The following MCF2L variants were observed in gnomAD, a reference collection of about 807,000 sequenced individuals.
MCF2L encodes guanine nucleotide exchange factor DBS.
In MCF2L, 97 loss-of-function variants were observed where a neutral mutation model predicts 153.4. The observed-to-expected ratio is 0.63, with a 90% CI of 0.54 to 0.75. The LOEUF is 0.75. Ranked by LOEUF, MCF2L falls within the 30% of genes least tolerant of loss-of-function variation. MCF2L has a pLI of 0.00. For synonymous variants in MCF2L, 659 were observed against 632.2 expected, an observed-to-expected ratio of 1.04 and a Z score of -0.64; for missense variants, 1,347 against 1,495.2, an observed-to-expected ratio of 0.90 and a Z score of 1.64.
At position 112,993,480 on chromosome 13, in the gene MCF2L, A is replaced by C. The variant is rs1342981267; in HGVS notation, c.80-21283A>C. 6.6e-6 allele frequency among the ~76,000 whole-genome samples: 1 copy of C among 152,090 alleles called. No homozygotes were observed. Among genetic ancestry groups the C allele is most frequent in the Non-Finnish European group, 1.5e-5 (1 of 68,008 alleles). ...TGGCAGTCGGGAGGGACTGCATGGA[A>C]ACAAGTGGCTTAGGACCACCCTAGT... On this transcript the variant is annotated intron_variant, in intron 1 of 29. Coordinates refer to ENST00000535094, the MANE Select transcript of MCF2L (RefSeq NM_001112732.3). This position sits in a 1 kb window ranked among gnomAD's most constrained non-coding sequence, Gnocchi z 4.6.
chr13:113,086,255 G>A lies in MCF2L; in HGVS notation c.2373+6G>A, dbSNP rs1328479031. 6.2e-7 allele frequency: 1 copy of A among 1,607,886 alleles called. No individual in the cohort carries two copies. ...TCGCTATCACCGGCTATGACGTAAG[G>A]CGCCCAGATGCCCGGTCTTCCCCGC... On this transcript the variant is annotated splice_donor_region_variant and intron_variant, in intron 21 of 29. Coordinates refer to ENST00000535094, the MANE Select transcript of MCF2L (RefSeq NM_001112732.3).
At position 112,960,113 on chromosome 13, in the gene MCF2L, G is replaced by C. The variant is rs1009774023; in HGVS notation, c.170-54650G>C. ...GGGGCTGTGTCTTTGTCTGTTTTCT[G>C]CTGCTATAACAGAGTATCACAGATT... is the stretch of plus-strand genomic sequence containing the variant. On this transcript the variant is annotated intron_variant, in intron 2 of 29. Coordinates refer to the MCF2L transcript ENST00000375608. This position sits in a 1 kb window ranked among gnomAD's most constrained non-coding sequence, Gnocchi z 4.2. Among the ~76,000 whole-genome samples the C allele has an allele frequency of 1.3e-5, 2 of 152,240 alleles. No individual in the cohort carries two copies. The highest frequency in any genetic ancestry group is 2.9e-5 in the Non-Finnish European group (2 of 68,046).
intron 1 of MCF2L, among the ~76,000 whole-genome samples, chr13:112,898,157 G>A (rs959987373): frequency 3.3e-5 from 5 of 152,174 alleles, no homozygotes; most frequent in African/African-American, 1.2e-4. Flanking sequence ...GTGTGGCAGC[G>A]GCGGGGACCT....
intron 25 of MCF2L, 33 bp from the exon 26 acceptor site, chr13:113,089,577 C>T: frequency 6.9e-7 from 1 of 1,458,860 alleles, no homozygotes; most frequent in Non-Finnish European, 9.6e-7. Context: ...AGGCAACACA[C>T]TATTTCCTTT....
chr13:113,009,385 C>T (rs1214308028), intron 1 of MCF2L: 2 of 152,254 alleles, frequency 1.3e-5, no homozygotes, highest in African/African-American at 4.8e-5. Context: ...TTATACCTAA[C>T]CCACTAGCAA....
At chr13:113,001,692 G>A (rs2083385135) in intron 1 of MCF2L, 5 of 1,350,162 alleles carry the variant, frequency 3.7e-6, no homozygotes, top group Middle Eastern at 2.7e-4. Context: ...CAGGATAAGT[G>A]AGCCGATGCT....
At chr13:113,095,131 T>G in intron 27 of MCF2L, 1 of 1,314,492 alleles carries the variant, frequency 7.6e-7, no homozygotes, top group Non-Finnish European at 1.0e-6. Context: ...TAAGCATGGA[T>G]TTGCATTTGA....
At position 112,983,760 on chromosome 13, in the gene MCF2L, G is replaced by A. The variant is rs2082527266; in HGVS notation, c.79+14302G>A. ...TGCAGCCTCCTGGGCCTTCCCTTCT[G>A]CCTGGCTTCCTCCTCCTCCACCCGT... On this transcript the variant is annotated intron_variant, in intron 1 of 29. Transcript: ENST00000535094. The surrounding 1 kb of genome is among the most constrained non-coding windows in gnomAD (Gnocchi z 4.0). 6.6e-6 allele frequency among the ~76,000 whole-genome samples: 1 copy of A among 152,150 alleles called. No individual in the cohort carries two copies. The highest frequency in any genetic ancestry group is 2.4e-5 in the African/African-American group (1 of 41,432).
intron 1 of MCF2L, among the ~76,000 whole-genome samples, chr13:112,998,804 G>C (rs1387188187): frequency 6.6e-6 from 1 of 152,204 alleles, no homozygotes; most frequent in African/African-American, 2.4e-5. Context: ...AAACTGGACA[G>C]AAACCAGCCT....
intron 2 of MCF2L, among the ~76,000 whole-genome samples, chr13:112,908,634 A>G (rs1225139934): frequency 6.6e-6 from 1 of 152,216 alleles, no homozygotes; most frequent in Non-Finnish European, 1.5e-5. Context: ...TTCTCCTCTG[A>G]AGAAACTGTG....
intron 1 of MCF2L, chr13:112,902,171 T>C (rs2081125598): frequency 6.3e-7 from 1 of 1,598,672 alleles, no homozygotes; most frequent in Non-Finnish European, 8.6e-7. Flanking sequence ...CATGACCTCA[T>C]CGTGCTTTTA....
chr13:113,002,841 G>C (rs916851331), intron 1 of MCF2L, among the ~76,000 whole-genome samples: 1 of 152,132 alleles, frequency 6.6e-6, no homozygotes. Context: ...AACTATCAAC[G>C]GCAATGAATG....
chr13:113,097,051 C>T lies in MCF2L; in HGVS notation c.*192C>T. On this transcript the variant is annotated 3_prime_UTR_variant, in exon 30 of 30. Transcript: ENST00000535094. ...AGACCCCGGCCCGCTGGGGCTTCCC[C>T]GGAGACTCCAGAGCCCACAGAGGAG... The T allele has an allele frequency of 7.7e-6, 3 of 390,194 alleles. No individual in the cohort carries two copies. The highest frequency in any genetic ancestry group is 1.3e-5 in the Non-Finnish European group (3 of 223,026). 24.2% of individuals were successfully genotyped at this position (390,194 alleles called of 1,614,324 possible).
intron 1 of MCF2L, among the ~76,000 whole-genome samples, chr13:112,981,915 C>T (rs1333407872): frequency 2.0e-5 from 3 of 152,228 alleles, no homozygotes; most frequent in Admixed American, 2.0e-4. Context: ...CCAGGATGTG[C>T]GTCTCCGATT....
chr13:113,094,354 C>T (rs1325022401), intron 26 of MCF2L, 160 bp from the exon 27 acceptor site: 4 of 655,430 alleles, frequency 6.1e-6, no homozygotes, highest in Admixed American at 7.2e-5. Context: ...GCAGGGGTGT[C>T]CTGCTCAGCT....
At chr13:113,092,771 C>T (rs533991580) in intron 26 of MCF2L, among the ~76,000 whole-genome samples, 28 of 142,302 alleles carry the variant, frequency 2.0e-4, no homozygotes, top group African/African-American at 3.9e-4. Context: ...CAGACCTCTG[C>T]GTTTTGCTGT....
intron 1 of MCF2L, among the ~76,000 whole-genome samples, chr13:112,894,799 C>G (rs1046128398): frequency 2.0e-5 from 3 of 152,108 alleles, no homozygotes; most frequent in Non-Finnish European, 4.4e-5. Context: ...TTGGGCACCT[C>G]GTAGGACCAC....
chr13:113,000,012 G>T lies in MCF2L; in HGVS notation c.80-14751G>T, dbSNP rs574004068. Among the ~76,000 whole-genome samples, 691 of 145,846 alleles carry T rather than the reference G, an allele frequency of 4.7e-3. 18 individuals carry two copies. The East Asian group carries it at 0.098, about 21-fold the overall frequency. ...GAGTGGGCCGGGAATGAAGACGCCG[G>T]CAGGCCCCAGAGTGGAGGCAGGGCT... On this transcript the variant is annotated intron_variant, in intron 1 of 29. Transcript: ENST00000535094.
At position 113,096,786 on chromosome 13, in the gene MCF2L, G is replaced by A. The variant is rs773507991; in HGVS notation, c.3305G>A (p.Gly1102Glu). ...QCLSSSESSP[G>E]SAVLSNSSSC... ...GATCTCCCCGCAGAGTCGAGCCCGG[G>A]GTCGGCCGTGCTGAGCAACTCGTCC... Residue 1102 changes from glycine to glutamate, a missense_variant, in exon 30 of 30, where the codon GGG (glycine) becomes GAG (glutamate). Coordinates refer to ENST00000535094, the MANE Select transcript of MCF2L (RefSeq NM_001112732.3). 9 of 1,568,036 alleles carry A rather than the reference G, an allele frequency of 5.7e-6. No individual in the cohort carries two copies. Among genetic ancestry groups the A allele is most frequent in the Non-Finnish European group, 6.9e-6 (8 of 1,166,452 alleles).
Sources: gnomAD v4.1 joint callset for allele counts (sites outside exome capture counted in the v4.1 genomes callset) on GRCh38, gnomAD v4.1.1 for gene constraint, Gnocchi (gnomAD v3.1) non-coding constraint, MANE v1.5 for transcripts, NCBI Gene and HGNC (gene_info 2026-07-23, HGNC 2026-07-21) for gene names.